ZNF717: variants seen among roughly 807,000 people sequenced by gnomAD.
ZNF717 encodes zinc finger protein 717, also known as krueppel-like factor X17.
In ZNF717, 9 loss-of-function variants were observed where a neutral mutation model predicts 13.8. The observed-to-expected ratio is 0.65, with a 90% CI of 0.39 to 1.14. The LOEUF is 1.14. Ranked by LOEUF, ZNF717 falls within the 50% of genes most tolerant of loss-of-function variation. ZNF717 has a pLI of 0.01. For missense variants in ZNF717, 1,040 were observed against 1,080.7 expected, an observed-to-expected ratio of 0.96 and a Z score of 0.53; for synonymous variants, 327 against 364.1, an observed-to-expected ratio of 0.90 and a Z score of 1.16.
chr3:75,712,570 G>A (rs2106839276), intron 5 of ZNF717, among the ~76,000 whole-genome samples: 1 of 152,246 alleles, frequency 6.6e-6, no homozygotes, highest in African/African-American at 2.4e-5. Flanking sequence ...GAGTTACTCA[G>A]ACCATTGGTG....
At chr3:75,723,933 C>A (rs1938222238) in intron 4 of ZNF717, among the ~76,000 whole-genome samples, 1 of 152,208 alleles carries the variant, frequency 6.6e-6, no homozygotes, top group Non-Finnish European at 1.5e-5. Context: ...TGATGCTGTG[C>A]TTCAGCGGTC....
intron 2 of ZNF717, among the ~76,000 whole-genome samples, chr3:75,769,989 T>C (rs372111645): frequency 4.1e-4 from 62 of 152,210 alleles, no homozygotes; most frequent in African/African-American, 1.4e-3. Context: ...AATATGACAA[T>C]GTGCTTCTTG....
intron 5 of ZNF717, chr3:75,716,408 A>G (rs2106848406): frequency 6.6e-6 from 1 of 152,286 alleles, no homozygotes; most frequent in African/African-American, 2.4e-5. Context: ...TTTATTCCAG[A>G]AAGGACTTAC....
intron 2 of ZNF717, among the ~76,000 whole-genome samples, chr3:75,760,166 T>C (rs1942859690): frequency 6.6e-6 from 1 of 152,112 alleles, no homozygotes; most frequent in Non-Finnish European, 1.5e-5. Context: ...GTAGCTGGGA[T>C]TACAGGCATC....
chr3:75,768,053 G>T (rs1209918748), intron 2 of ZNF717, among the ~76,000 whole-genome samples: 1 of 152,130 alleles, frequency 6.6e-6, no homozygotes, highest in Non-Finnish European at 1.5e-5. Flanking sequence ...CATTCTCAGG[G>T]ACCAGGACTG....
At chr3:75,769,574 T>A (rs1274601198) in intron 2 of ZNF717, among the ~76,000 whole-genome samples, 1 of 152,240 alleles carries the variant, frequency 6.6e-6, no homozygotes. Context: ...TCATGAGAGA[T>A]CACAAGTAGA....
chr3:75,765,029 A>ATATATATATATATATATATATG (rs1943349064), intron 2 of ZNF717, among the ~76,000 whole-genome samples: 1 of 62,160 alleles, frequency 1.6e-5, no homozygotes, highest in Non-Finnish European at 3.7e-5. Flanking sequence ...ATATATATAT[A>ATATATATATATATATATATATG]TGTATATGTG....
chr3:75,780,131 G>T lies in ZNF717; in HGVS notation c.57+3175C>A, dbSNP rs369533627. Among the ~76,000 whole-genome samples, 3 of 149,300 alleles carry T rather than the reference G, an allele frequency of 2.0e-5. No individual in the cohort carries two copies. The South Asian group carries it at 6.4e-4, about 32-fold the overall frequency. On this transcript the variant is annotated intron_variant, in intron 2 of 4. Coordinates refer to ENST00000652011, the MANE Select transcript of ZNF717 (RefSeq NM_001290208.3). Reference sequence around the variant, plus strand: ...AGAAACCCAAAACAATGGGAGTGACGTGCTAAAACTGGAACCCAAAACAAT... The same window carrying T: ...AGAAACCCAAAACAATGGGAGTGACTTGCTAAAACTGGAACCCAAAACAAT...
Position 75,737,466 on chromosome 3 carries a change from T to A in ZNF717, c.2157A>T (p.Arg719Ser). The change falls in exon 5 of 5, where the codon AGA becomes AGT. Residue 719 changes from arginine (R) to serine (S), a missense_variant. Transcript: ENST00000652011. ...ENPFIRRQIFRSIKVFTRGRN... is the reference protein window; with the variant it reads ...ENPFIRRQIFSSIKVFTRGRN... Reference sequence around the variant, plus strand: ...TCCCCCGTGTGAATACCTTGATGCTTCTGAAGATTTGCCTTCTGATGAAAG... The same window carrying A: ...TCCCCCGTGTGAATACCTTGATGCTACTGAAGATTTGCCTTCTGATGAAAG... 6.4e-7 allele frequency: 1 copy of A among 1,555,332 alleles called. No individual in the cohort carries two copies. Among genetic ancestry groups the A allele is most frequent in the Non-Finnish European group, 8.7e-7 (1 of 1,149,204 alleles).
chr3:75,717,863 C>A (rs1427420939), intron 4 of ZNF717, among the ~76,000 whole-genome samples: 2 of 152,200 alleles, frequency 1.3e-5, no homozygotes, highest in African/African-American at 4.8e-5. Flanking sequence ...TCATTTTCAA[C>A]AGGCACCAGT....
At chr3:75,725,135 ACTC>A (rs1938252447), downstream of ZNF717, among the ~76,000 whole-genome samples, 1 of 151,456 alleles carries the variant, frequency 6.6e-6, no homozygotes, top group Non-Finnish European at 1.5e-5. Context: ...ATCAGCCTGC[ACTC>A]CTCGACTCAG....
exon 6 of ZNF717, chr3:75,709,651 T>C (rs1472767584): frequency 1.3e-5 from 2 of 152,230 alleles, no homozygotes; most frequent in South Asian, 2.1e-4. Context: ...TTGTATAACG[T>C]TGTCACGGAC....
Position 75,737,921 on chromosome 3 carries a change from A to C in ZNF717, c.1702T>G (p.Cys568Gly). 1 of 1,550,346 alleles carries C rather than the reference A, an allele frequency of 6.5e-7. No individual in the cohort carries two copies. The highest frequency in any genetic ancestry group is 8.7e-7 in the Non-Finnish European group (1 of 1,145,938). The change falls in exon 5 of 5, where the codon TGT (cysteine) becomes GGT (glycine). Residue 568 changes from cysteine to glycine, a missense_variant. Cys to Gly is a radical substitution (Grantham distance 159, BLOSUM62 -3). Transcript: ENST00000652011. ...GACTTACAGTGAAAGGATTTTCCAC[A>C]TTCATTACATTCATAGGGTTTTTCC... is the stretch of plus-strand genomic sequence containing the variant. ...TGEKPYECNE[C>G]GKSFHCKSFL...
chr3:75,712,546 T>TC (rs33998912), intron 5 of ZNF717, among the ~76,000 whole-genome samples: 63,055 of 151,980 alleles, frequency 0.41, 13,503 homozygotes, highest in South Asian at 0.61. Flanking sequence ...TTGCATAAAT[T>TC]CCCTTTCACA....
downstream of ZNF717, among the ~76,000 whole-genome samples, chr3:75,707,957 C>T (rs1358986423): frequency 2.0e-5 from 3 of 152,046 alleles, no homozygotes. Context: ...CCGGGAAGCT[C>T]GAACTGGATG....
At chr3:75,712,067 G>A (rs1268808570) in intron 5 of ZNF717, among the ~76,000 whole-genome samples, 1 of 152,242 alleles carries the variant, frequency 6.6e-6, no homozygotes, top group African/African-American at 2.4e-5. Context: ...TTCACCATCA[G>A]GACATAACAG....
At chr3:75,735,635 T>TAAAAA (rs149366090), downstream of ZNF717, among the ~76,000 whole-genome samples, 71 of 79,834 alleles carry the variant, frequency 8.9e-4, 1 homozygote, top group African/African-American at 3.2e-3. Flanking sequence ...ACTGTCTCAA[T>TAAAAA]AAAAAAAAAA....
intron 6 of ZNF717, among the ~76,000 whole-genome samples, chr3:75,696,381 G>A (rs1157871995): frequency 1.4e-4 from 21 of 150,282 alleles, no homozygotes; most frequent in African/African-American, 5.0e-4. Flanking sequence ...CATTCTTTGA[G>A]GCTAGTATTA....
chr3:75,711,810 T>A (rs1937945252), intron 5 of ZNF717, among the ~76,000 whole-genome samples: 1 of 152,170 alleles, frequency 6.6e-6, no homozygotes, highest in African/African-American at 2.4e-5. Flanking sequence ...GAAAAGCAGT[T>A]TTGGACTACA....
Sources: gnomAD v4.1 joint callset for allele counts (sites outside exome capture counted in the v4.1 genomes callset) on GRCh38, gnomAD v4.1.1 for gene constraint, MANE v1.5 for transcripts, NCBI Gene and HGNC (gene_info 2026-07-23, HGNC 2026-07-21) for gene names.